TRPM3: variants seen among roughly 807,000 people sequenced by gnomAD.
TRPM3 encodes the protein transient receptor potential cation channel subfamily M member 3, also known as long transient receptor potential channel 3.
In TRPM3, 77 loss-of-function variants were observed where a neutral mutation model predicts 181.2. The observed-to-expected ratio is 0.42, with a 90% CI of 0.35 to 0.51. TRPM3 has a LOEUF of 0.51. TRPM3 is among the 20% of genes least tolerant of loss of function. The pLI is 0.01. For missense variants in TRPM3, 1,759 were observed against 2,196.7 expected (o/e 0.80, Z 3.98); for synonymous variants, 745 against 796.4 (o/e 0.94, Z 1.09).
At chr9:71,349,375 T>A (rs1408887245) in intron 1 of TRPM3, among the ~76,000 whole-genome samples, 2 of 152,142 alleles carry the variant, frequency 1.3e-5, no homozygotes, top group Non-Finnish European at 2.9e-5. Flanking sequence ...CCACCTTAAA[T>A]CACAATGGAA....
intron 9 of TRPM3, among the ~76,000 whole-genome samples, chr9:70,680,464 C>T (rs2065131424): frequency 6.6e-6 from 1 of 152,132 alleles, no homozygotes; most frequent in Non-Finnish European, 1.5e-5. Flanking sequence ...ATCACTGAAT[C>T]ATTGAGTAGC....
intron 1 of TRPM3, among the ~76,000 whole-genome samples, chr9:71,008,123 G>A (rs2097699286): frequency 6.6e-6 from 1 of 151,964 alleles, no homozygotes; most frequent in African/African-American, 2.4e-5. Flanking sequence ...AGGATCATAA[G>A]AGACTATTAT....
At chr9:71,046,595 T>A (rs1275054170) in intron 1 of TRPM3, among the ~76,000 whole-genome samples, 1 of 152,178 alleles carries the variant, frequency 6.6e-6, no homozygotes, top group Non-Finnish European at 1.5e-5. Context: ...TGTCTCCGGA[T>A]CTATCCTCCC....
chr9:71,205,721 T>C (rs993477791), intron 1 of TRPM3, among the ~76,000 whole-genome samples: 26 of 152,228 alleles, frequency 1.7e-4, no homozygotes, highest in Non-Finnish European at 2.5e-4. Context: ...AATTACTCAT[T>C]CTTCCCACAT....
chr9:71,175,960 G>A (rs970766741), intron 1 of TRPM3, among the ~76,000 whole-genome samples: 1 of 152,062 alleles, frequency 6.6e-6, no homozygotes, highest in Admixed American at 6.6e-5. Flanking sequence ...CCATCTTAAT[G>A]TCATTGTGCA....
intron 1 of TRPM3, among the ~76,000 whole-genome samples, chr9:71,244,168 C>T (rs780047213): frequency 7.9e-5 from 12 of 152,100 alleles, no homozygotes; most frequent in Non-Finnish European, 1.8e-4. Flanking sequence ...AGGGCTTGTC[C>T]TCAAAGGGGA....
chr9:71,319,111 G>A (rs1212137564), intron 1 of TRPM3, among the ~76,000 whole-genome samples: 2 of 146,526 alleles, frequency 1.4e-5, no homozygotes, highest in African/African-American at 5.0e-5. Context: ...ATTCATATAA[G>A]GTCCCTTAGT....
chr9:70,840,734 A>G (rs2094580355), intron 5 of TRPM3, among the ~76,000 whole-genome samples: 1 of 152,158 alleles, frequency 6.6e-6, no homozygotes, highest in Admixed American at 6.6e-5. Flanking sequence ...ATGTAATAGA[A>G]TTACTGTCTT....
intron 8 of TRPM3, among the ~76,000 whole-genome samples, chr9:70,689,557 T>C (rs958657320): frequency 1.3e-5 from 2 of 150,296 alleles, no homozygotes; most frequent in Admixed American, 6.6e-5. Context: ...AGTGAAGTAA[T>C]AATAATCCAA....
At chr9:71,008,801 C>T (rs111458365) in intron 1 of TRPM3, among the ~76,000 whole-genome samples, 2,239 of 152,278 alleles carry the variant, frequency 0.015, 38 homozygotes, top group African/African-American at 0.051. Context: ...GCCAAGATCA[C>T]GCCACTGAAC....
intron 1 of TRPM3, among the ~76,000 whole-genome samples, chr9:71,231,179 CT>C (rs1161403207): frequency 1.3e-5 from 2 of 152,096 alleles, no homozygotes; most frequent in South Asian, 4.1e-4. Context: ...GCAAAAAGGA[CT>C]TTACGGTTGA....
intron 1 of TRPM3, among the ~76,000 whole-genome samples, chr9:71,245,316 C>CT (rs2081970699): frequency 6.6e-6 from 1 of 151,834 alleles, no homozygotes; most frequent in Non-Finnish European, 1.5e-5. Context: ...TGGTGGCATG[C>CT]ACCTGTTATC....
chr9:71,311,262 G>A (rs10121027), intron 1 of TRPM3, among the ~76,000 whole-genome samples: 6,688 of 152,182 alleles, frequency 0.044, 341 homozygotes, highest in African/African-American at 0.13. Context: ...TACTTATGCT[G>A]TGTATAACAT....
chr9:71,343,099 G>A (rs1336646210), intron 1 of TRPM3, among the ~76,000 whole-genome samples: 3 of 152,022 alleles, frequency 2.0e-5, no homozygotes, highest in African/African-American at 7.2e-5. Context: ...TTAGAGTAGG[G>A]AAGGGAGGGG....
chr9:71,279,462 G>C (rs1322918590), intron 1 of TRPM3, among the ~76,000 whole-genome samples: 1 of 152,150 alleles, frequency 6.6e-6, no homozygotes, highest in African/African-American at 2.4e-5. Flanking sequence ...AGACTTAAAA[G>C]GAAAACTTTA....
intron 1 of TRPM3, among the ~76,000 whole-genome samples, chr9:71,281,261 G>A (rs1335769107): frequency 1.3e-5 from 2 of 152,164 alleles, no homozygotes; most frequent in Non-Finnish European, 2.9e-5. Flanking sequence ...CAGGACACAC[G>A]GGATAAAGAA....
intron 8 of TRPM3, among the ~76,000 whole-genome samples, chr9:70,755,332 C>CT (rs2076869524): frequency 6.6e-6 from 1 of 151,592 alleles, no homozygotes. Context: ...CCGCAGAAAC[C>CT]CTACAAGTCA....
chr9:71,118,790 G>C (rs530758147), intron 1 of TRPM3, among the ~76,000 whole-genome samples: 2 of 152,158 alleles, frequency 1.3e-5, no homozygotes, highest in East Asian at 3.9e-4. Flanking sequence ...TAGTATGGAG[G>C]GAGGTGGAAC....
rs117634977 is a variant in TRPM3 at position 70,743,552 on chromosome 9, C to T, written c.1272+18049G>A. Among the ~76,000 whole-genome samples, 35 of 152,006 alleles carry T rather than the reference C, an allele frequency of 2.3e-4. No individual in the cohort carries two copies. The East Asian group carries it at 6.4e-3, about 28-fold the overall frequency. On this transcript the variant is annotated intron_variant, in intron 8 of 25. Coordinates refer to ENST00000677713, the MANE Select transcript of TRPM3 (RefSeq NM_001366145.2). The stretch of plus-strand genomic sequence containing the variant: ...GCACAGCGAGGGTAATGTGGGTTTC[C>T]GATTGGGTGGGAGGTTACATTATGA...
Sources: allele counts gnomAD v4.1 joint callset (sites outside exome capture counted in the v4.1 genomes callset), GRCh38; gene constraint gnomAD v4.1.1; transcripts MANE v1.5; gene names NCBI Gene and HGNC (gene_info 2026-07-23, HGNC 2026-07-21).